CASK: variants seen among roughly 807,000 people sequenced by gnomAD.
CASK encodes the protein calcium/calmodulin dependent serine protein kinase.
CASK carries 4 observed loss-of-function variants against 82.9 expected under a neutral mutation model. The observed-to-expected ratio is 0.05, with a 90% confidence interval of 0.02 to 0.11. The LOEUF is 0.11. Among genes scored for constraint, CASK ranks in the 10% least tolerant of loss-of-function variants. The pLI is 1.00. For missense variants in CASK, 358 were observed against 720.9 expected (o/e 0.50, Z 5.76); for synonymous variants, 259 against 253.5 (o/e 1.02, Z -0.20).
intron 5 of CASK, among the ~76,000 whole-genome samples, chrX:41,732,734 A>ATT (rs1308041933): frequency 9.7e-6 from 1 of 102,643 alleles, no homozygotes; most frequent in African/African-American, 3.5e-5. Flanking sequence ...AAGCAAAAGA[A>ATT]TTTTTTTTTT....
intron 2 of CASK, among the ~76,000 whole-genome samples, chrX:41,788,950 C>T (rs1336354283): frequency 9.0e-6 from 1 of 111,412 alleles, no homozygotes; most frequent in African/African-American, 3.3e-5. Context: ...AGGTATTTTA[C>T]AGATGGAGAA....
rs570237560 is a variant in CASK at position 41,907,812 on chromosome X, C to T, written c.59+15118G>A. ...TTGTGGAAGACAATTTTTCCATGGA[C>T]GATGGGGACCGGGGTGGGGGTAGGG... is the stretch of plus-strand genomic sequence containing the variant. On this transcript the variant is annotated intron_variant, in intron 1 of 26. Transcript: ENST00000378163. Among the ~76,000 whole-genome samples, 244 of 110,627 alleles carry T rather than the reference C, an allele frequency of 2.2e-3. 1 individual carries two copies. The highest frequency in any genetic ancestry group is 7.3e-3 in the African/African-American group (222 of 30,423).
intron 2 of CASK, among the ~76,000 whole-genome samples, chrX:41,839,081 T>C (rs978024081): frequency 3.7e-4 from 41 of 111,884 alleles, no homozygotes; most frequent in African/African-American, 1.2e-3. Context: ...GTGGGTAGAA[T>C]GATTCCTCCC....
chrX:41,898,508 C>T lies in CASK; in HGVS notation c.59+24422G>A, dbSNP rs151117581. Among the ~76,000 whole-genome samples, 847 of 111,043 alleles carry T rather than the reference C, an allele frequency of 7.6e-3. 8 individuals carry two copies. Among genetic ancestry groups the T allele is most frequent in the African/African-American group, 0.027 (815 of 30,665 alleles). On this transcript the variant is annotated intron_variant, in intron 1 of 26. Transcript: ENST00000378163. ...AGCTTAGTTTGTTCTTTTTCTAGTT[C>T]CTCAAGGTGTAAAGTTAGGTTGTCT...
intron 22 of CASK, among the ~76,000 whole-genome samples, chrX:41,542,340 T>C (rs946204946): frequency 1.8e-5 from 2 of 112,940 alleles, no homozygotes; most frequent in African/African-American, 6.4e-5. Context: ...GGAGGAGATC[T>C]GTTCAAGACC....
intron 1 of CASK, among the ~76,000 whole-genome samples, chrX:41,862,017 TATA>T (rs780450859): frequency 2.8e-4 from 30 of 106,959 alleles, no homozygotes; most frequent in African/African-American, 8.8e-4. Context: ...ATACGTTATA[TATA>T]ATGTTAGTGT....
At chrX:41,822,669 T>C (rs1356215396) in intron 2 of CASK, among the ~76,000 whole-genome samples, 1 of 110,479 alleles carries the variant, frequency 9.1e-6, no homozygotes, top group African/African-American at 3.3e-5. Context: ...AGGATCATTA[T>C]TTGAACCCAA....
intron 1 of CASK, among the ~76,000 whole-genome samples, chrX:41,896,637 C>A (rs1284730297): frequency 8.9e-6 from 1 of 111,757 alleles, no homozygotes; most frequent in Non-Finnish European, 1.9e-5. Context: ...CTAGTGCATA[C>A]AAATGCTATT....
intron 24 of CASK, among the ~76,000 whole-genome samples, chrX:41,533,102 C>T (rs1182259084): frequency 5.4e-5 from 6 of 111,743 alleles, no homozygotes; most frequent in African/African-American, 1.3e-4. Context: ...TGAGCCACCG[C>T]GCCCAGCCAA....
intron 3 of CASK, among the ~76,000 whole-genome samples, chrX:41,769,070 C>T (rs1016837248): frequency 1.8e-5 from 2 of 110,424 alleles, no homozygotes; most frequent in South Asian, 3.8e-4. Flanking sequence ...ATGAAAACTA[C>T]GTTAAAAGAG....
At chrX:41,647,947 A>T (rs2066790116) in intron 8 of CASK, among the ~76,000 whole-genome samples, 1 of 111,997 alleles carries the variant, frequency 8.9e-6, no homozygotes, top group East Asian at 2.8e-4. Flanking sequence ...TTTGAGCAAC[A>T]TGAAATGTAG....
chrX:41,707,085 T>C (rs1194119399), intron 5 of CASK, among the ~76,000 whole-genome samples: 3 of 112,207 alleles, frequency 2.7e-5, no homozygotes, highest in Non-Finnish European at 5.6e-5. Flanking sequence ...GGAAATGTGT[T>C]AGATTAAAAA....
chrX:41,526,084 C>T (rs1054195984), intron 25 of CASK, among the ~76,000 whole-genome samples: 2 of 112,049 alleles, frequency 1.8e-5, no homozygotes, highest in Admixed American at 1.9e-4. Context: ...ATGACAAAGT[C>T]CATATATAGC....
intron 1 of CASK, among the ~76,000 whole-genome samples, chrX:41,858,922 G>A (rs1443448472): frequency 9.0e-6 from 1 of 110,621 alleles, no homozygotes; most frequent in Non-Finnish European, 1.9e-5. Context: ...GCTTTTGAAG[G>A]CACTTCAAAA....
intron 1 of CASK, among the ~76,000 whole-genome samples, chrX:41,862,756 A>C (rs2071518123): frequency 9.0e-6 from 1 of 111,035 alleles, no homozygotes; most frequent in South Asian, 3.8e-4. Flanking sequence ...TAAAGGCGAC[A>C]GAGAGATACT....
At chrX:41,523,557 T>C (rs894736058) in intron 26 of CASK, among the ~76,000 whole-genome samples, 1 of 112,862 alleles carries the variant, frequency 8.9e-6, no homozygotes, top group African/African-American at 3.2e-5. Flanking sequence ...CCAAGTCTCA[T>C]GAGCACCATG....
chrX:41,535,842 T>C (rs1265371041), intron 22 of CASK, among the ~76,000 whole-genome samples: 1 of 112,017 alleles, frequency 8.9e-6, no homozygotes, highest in Non-Finnish European at 1.9e-5. Context: ...TTTCAAGCAA[T>C]GTACAAAACT....
intron 8 of CASK, among the ~76,000 whole-genome samples, chrX:41,657,689 AT>A (rs1281708314): frequency 9.1e-6 from 1 of 110,355 alleles, no homozygotes; most frequent in African/African-American, 3.3e-5. Context: ...CACCCAGCTA[AT>A]TTTTATATTT....
intron 2 of CASK, among the ~76,000 whole-genome samples, chrX:41,836,142 A>G (rs1187745794): frequency 2.7e-5 from 3 of 111,611 alleles, no homozygotes; most frequent in South Asian, 3.7e-4. Flanking sequence ...CCCTGTGGGG[A>G]AAAAAAGATA....
Sources: allele counts gnomAD v4.1 joint callset (sites outside exome capture counted in the v4.1 genomes callset), GRCh38; gene constraint gnomAD v4.1.1; transcripts MANE v1.5; gene names NCBI Gene and HGNC (gene_info 2026-07-23, HGNC 2026-07-21).